The following SPAG17 variants were observed in gnomAD, a reference collection of about 807,000 sequenced individuals.
SPAG17 encodes sperm-associated antigen 17.
Under a neutral mutation model 273.6 loss-of-function variants are expected in SPAG17, and 169 were observed. That is an observed-to-expected ratio of 0.62 (90% confidence interval 0.55 to 0.70). SPAG17 has a LOEUF of 0.70. SPAG17 is among the 30% of genes least tolerant of loss of function. SPAG17 has a pLI of 0.00. For missense variants in SPAG17, 2,557 were observed against 2,627.8 expected (o/e 0.97, Z 0.59); for synonymous variants, 825 against 873.2 (o/e 0.94, Z 0.97).
At chr1:118,030,508 T>C (rs1648321865) in intron 25 of SPAG17, among the ~76,000 whole-genome samples, 1 of 152,000 alleles carries the variant, frequency 6.6e-6, no homozygotes, top group Non-Finnish European at 1.5e-5. Context: ...GGTGGCATGG[T>C]GGTTTGCTGC....
intron 3 of SPAG17, 38 bp downstream of exon 3, chr1:118,150,505 A>T: frequency 1.6e-6 from 2 of 1,212,516 alleles, no homozygotes; most frequent in Non-Finnish European, 2.3e-6. Context: ...CTTTTTTCTA[A>T]AAACACAAAA....
chr1:118,098,378 C>T (rs1172439102), intron 6 of SPAG17, among the ~76,000 whole-genome samples: 1 of 152,046 alleles, frequency 6.6e-6, no homozygotes, highest in Non-Finnish European at 1.5e-5. Context: ...AAAATAATGA[C>T]AGATTTCCAT....
intron 20 of SPAG17, among the ~76,000 whole-genome samples, chr1:118,043,753 A>C (rs1444344380): frequency 6.6e-6 from 1 of 152,216 alleles, no homozygotes; most frequent in Non-Finnish European, 1.5e-5. Flanking sequence ...AATGCAGACT[A>C]GCTGTTATAT....
At chr1:118,041,126 T>A (rs1162951644) in intron 21 of SPAG17, among the ~76,000 whole-genome samples, 1 of 152,152 alleles carries the variant, frequency 6.6e-6, no homozygotes, top group East Asian at 1.9e-4. Context: ...CAAGAAGAAA[T>A]CAAGTTCCCA....
At chr1:118,061,301 C>A (rs997622663) in intron 18 of SPAG17, among the ~76,000 whole-genome samples, 4 of 152,104 alleles carry the variant, frequency 2.6e-5, no homozygotes, top group African/African-American at 9.7e-5. Flanking sequence ...AAAAAACAAC[C>A]TAAGTATCTG....
At chr1:118,152,844 CTT>C (rs2102353607) in intron 1 of SPAG17, among the ~76,000 whole-genome samples, 2 of 152,146 alleles carry the variant, frequency 1.3e-5, no homozygotes, top group East Asian at 1.9e-4. Flanking sequence ...CCTTTTTTCT[CTT>C]GTCTGCTTCC....
chr1:118,126,203 CTTTTTTTTTTT>C (rs776674134), intron 3 of SPAG17, among the ~76,000 whole-genome samples: 4 of 110,580 alleles, frequency 3.6e-5, no homozygotes, highest in African/African-American at 9.9e-5. Flanking sequence ...ATCCTTTATC[CTTTTTTTTTTT>C]TTTTTTTTTG....
chr1:118,086,786 T>C lies in SPAG17; in HGVS notation c.1498-2A>G. On this transcript the variant is annotated splice_acceptor_variant, in intron 11 of 48. Coordinates refer to ENST00000336338, the MANE Select transcript of SPAG17 (RefSeq NM_206996.4). LOFTEE classifies it high-confidence loss of function. ...AGATAAAAATATGTCATGAAGATTC[T>C]ATGCAAATTGAAACAATATTGATTT... 1 of 1,614,084 alleles carries C rather than the reference T, an allele frequency of 6.2e-7. No individual in the cohort carries two copies. The highest frequency in any genetic ancestry group is 8.5e-7 in the Non-Finnish European group (1 of 1,179,928).
At chr1:118,091,828 G>T in intron 9 of SPAG17, 102 bp downstream of exon 9, 1 of 1,352,214 alleles carries the variant, frequency 7.4e-7, no homozygotes, top group South Asian at 1.2e-5. Flanking sequence ...AAATGCAGGA[G>T]CTGTAGGTGA....
Position 118,086,870 on chromosome 1 carries a change from C to A in SPAG17, c.1497+1G>T. On this transcript the variant is annotated splice_donor_variant, in intron 11 of 48. Coordinates refer to ENST00000336338, the MANE Select transcript of SPAG17 (RefSeq NM_206996.4). LOFTEE classifies it high-confidence loss of function. ...GACTCTGCTATCTCAGGCTATCTGA[C>A]CTTTTTCTCCCTCTCTGAGAGACAG... The A allele has an allele frequency of 6.2e-7, 1 of 1,614,146 alleles. No homozygotes were observed. The highest frequency in any genetic ancestry group is 8.5e-7 in the Non-Finnish European group (1 of 1,180,016).
At chr1:118,175,841 T>C (rs1660674076) in intron 1 of SPAG17, among the ~76,000 whole-genome samples, 1 of 152,218 alleles carries the variant, frequency 6.6e-6, no homozygotes, top group Non-Finnish European at 1.5e-5. Flanking sequence ...ATGCTGTAAT[T>C]ATGGTGTGCA....
intron 3 of SPAG17, among the ~76,000 whole-genome samples, chr1:118,139,908 C>A (rs951870850): frequency 6.6e-6 from 1 of 152,040 alleles, no homozygotes; most frequent in African/African-American, 2.4e-5. Flanking sequence ...AAGAAGTGAC[C>A]AGATAGGGCT....
rs575594266 is a variant in SPAG17 at position 118,149,034 on chromosome 1, T to C, written c.315+1509A>G. Reference sequence around the variant, plus strand: ...GTTTTGCTTCAGCGACTGGCATTAATGAATGTCTGGTGCACCTCAGGTTCA... The same window carrying C: ...GTTTTGCTTCAGCGACTGGCATTAACGAATGTCTGGTGCACCTCAGGTTCA... On this transcript the variant is annotated intron_variant, in intron 3 of 48. Transcript: ENST00000336338. Among the ~76,000 whole-genome samples the C allele has an allele frequency of 1.6e-3, 245 of 152,318 alleles. 2 individuals carry two copies. Among genetic ancestry groups the C allele is most frequent in the African/African-American group, 5.7e-3 (237 of 41,582 alleles).
At chr1:118,026,294 A>G (rs959076994) in intron 26 of SPAG17, among the ~76,000 whole-genome samples, 3 of 152,232 alleles carry the variant, frequency 2.0e-5, no homozygotes, top group Non-Finnish European at 2.9e-5. Flanking sequence ...AGCAAGCACT[A>G]TTATGGAGAA....
chr1:118,030,967 T>C (rs1648389815), intron 25 of SPAG17, among the ~76,000 whole-genome samples: 1 of 152,162 alleles, frequency 6.6e-6, no homozygotes, highest in Admixed American at 6.5e-5. Context: ...AGTAATGAGA[T>C]TGCTGGGTCA....
chr1:118,086,485 G>A (rs952272237), intron 12 of SPAG17, among the ~76,000 whole-genome samples, 186 bp downstream of exon 12: 19 of 152,004 alleles, frequency 1.2e-4, no homozygotes, highest in Admixed American at 2.0e-4. Flanking sequence ...AAATTTCCTC[G>A]GCTGACATCA....
intron 45 of SPAG17, among the ~76,000 whole-genome samples, chr1:117,971,368 T>TA (rs1360006492): frequency 6.6e-6 from 1 of 152,214 alleles, no homozygotes; most frequent in Non-Finnish European, 1.5e-5. Flanking sequence ...GACAAGATGT[T>TA]ACAACAAGTT....
intron 23 of SPAG17, among the ~76,000 whole-genome samples, chr1:118,038,825 T>C (rs916183878): frequency 1.3e-5 from 2 of 152,086 alleles, no homozygotes; most frequent in African/African-American, 4.8e-5. Flanking sequence ...AACTACTCTG[T>C]ATGATAGTAT....
At chr1:118,040,122 T>G (rs1440517968) in intron 22 of SPAG17, among the ~76,000 whole-genome samples, 1 of 152,194 alleles carries the variant, frequency 6.6e-6, no homozygotes, top group Non-Finnish European at 1.5e-5. Flanking sequence ...ACGCATTCTC[T>G]TTTTTAGTGT....
Sources: gnomAD v4.1 joint callset for allele counts (sites outside exome capture counted in the v4.1 genomes callset) on GRCh38, gnomAD v4.1.1 for gene constraint, MANE v1.5 for transcripts, NCBI Gene and HGNC (gene_info 2026-07-23, HGNC 2026-07-21) for gene names.